The following DOK7 variants were observed in gnomAD, a reference collection of about 807,000 sequenced individuals.
The protein encoded by DOK7 is docking protein 7, also known as protein Dok-7.
In DOK7, 32 loss-of-function variants were observed where a neutral mutation model predicts 30.7. The ratio of observed to expected loss-of-function variants is 1.04; its 90% CI spans 0.79 to 1.40. DOK7 has a LOEUF of 1.40. Ranked by LOEUF, DOK7 falls within the 40% of genes most tolerant of loss-of-function variation. DOK7 has a pLI of 0.00. For missense variants in DOK7, 1,007 were observed against 699.2 expected, an observed-to-expected ratio of 1.44 and a Z score of -4.97; for synonymous variants, 447 against 324.1, an observed-to-expected ratio of 1.38 and a Z score of -4.07.
intron 1 of DOK7, 33 bp downstream of exon 1, chr4:3,463,462 G>GGGGGGGGGGGGGGGGGGGGGC: frequency 8.2e-7 from 1 of 1,215,598 alleles, no homozygotes; most frequent in Non-Finnish European, 1.1e-6. Context: ...GGGGGGGGGG[G>GGGGGGGGGGGGGGGGGGGGGC]CGCGGGCGCG....
At chr4:3,500,976 A>G in exon 8 of DOK7, 1 of 1,286,682 alleles carries the variant, frequency 7.8e-7, no homozygotes, top group Non-Finnish European at 1.0e-6. Flanking sequence ...CCATGGTGCA[A>G]ACAGGAAGTT....
intron 5 of DOK7, among the ~76,000 whole-genome samples, chr4:3,486,931 G>A (rs1214757295): frequency 6.6e-6 from 1 of 152,138 alleles, no homozygotes; most frequent in Non-Finnish European, 1.5e-5. Flanking sequence ...TTCCCGGGGA[G>A]CAGAGGGAAG....
intron 2 of DOK7, among the ~76,000 whole-genome samples, chr4:3,470,874 G>A (rs1726716343): frequency 6.6e-6 from 1 of 152,242 alleles, no homozygotes. Context: ...CAAAGGAGGT[G>A]CTGGTTGGGG....
rs1056034144 is a variant in DOK7, at chr4:3,485,152, G to A, written c.533-387G>A. On this transcript the variant is annotated intron_variant, in intron 4 of 6. Transcript: ENST00000340083. ...TCCCCCCATCCCCCCAAGCAAGCCC[G>A]GAAGGCAGGTATGTGGGCGGGGGCA... Among the ~76,000 whole-genome samples, 9 of 152,214 alleles carry A rather than the reference G, an allele frequency of 5.9e-5. No homozygotes were observed. The South Asian group carries it at 6.2e-4, about 11-fold the overall frequency.
In DOK7 at chr4:3,493,249, C is replaced by T. The variant is rs761693255; in HGVS notation, c.1263C>T (p.Pro421=). 3.1e-6 allele frequency: 5 copies of T among 1,611,992 alleles called. No homozygotes were observed. In the South Asian group the frequency reaches 3.3e-5, roughly 11 times the overall value. ...LCLAPRDHSP[P]SQGSPGNSAA... is the part of the protein sequence containing the mutation. ...TGGCTCCTAGAGACCACAGCCCCCC[C>T]TCACAGGGCAGCCCCGGCAACAGTG... Residue 421 remains proline, a synonymous_variant, in exon 7 of 7, where the codon CCC becomes CCT. Coordinates refer to ENST00000340083, the MANE Select transcript of DOK7 (RefSeq NM_173660.5).
downstream of DOK7, among the ~76,000 whole-genome samples, chr4:3,499,165 C>T (rs1729071203): frequency 6.6e-6 from 1 of 152,224 alleles, no homozygotes; most frequent in African/African-American, 2.4e-5. Flanking sequence ...GAGGCCCAGC[C>T]TTGAGTCAGG....
intron 6 of DOK7, among the ~76,000 whole-genome samples, chr4:3,490,591 CTTCATTTCTTCTCT>C (rs1560227450): frequency 9.9e-5 from 12 of 121,526 alleles, no homozygotes; most frequent in Admixed American, 2.7e-4. Flanking sequence ...CTGCTCATTC[CTTCATTTCTTCTCT>C]CCCTGCTCGT....
chr4:3,463,450 CGG>C lies in DOK7; in HGVS notation c.54+32_54+33del, dbSNP rs71180187. 0.31 allele frequency: 382,469 copies of C among 1,217,716 alleles called. 36,893 individuals carry two copies. Among genetic ancestry groups the C allele is most frequent in the East Asian group, 0.47 (13,699 of 29,372 alleles). The allele number at this position is 1,217,716 out of a possible 1,614,324, so 75.4% of individuals were successfully genotyped here. A position where few individuals can be genotyped will look rare whatever the true frequency, so the allele number is the denominator to read the frequency against. ...AGAAGGTCGGGGCGCGTCGGGGGCGCGGGGGGGGGGGGCGCGGGCGCGGGCGG... is the reference window on the plus strand; with the variant it reads ...AGAAGGTCGGGGCGCGTCGGGGGCGCGGGGGGGGGGCGCGGGCGCGGGCGG... On this transcript the variant is annotated intron_variant, in intron 1 of 6. Coordinates refer to ENST00000340083, the MANE Select transcript of DOK7 (RefSeq NM_173660.5).
downstream of DOK7, among the ~76,000 whole-genome samples, chr4:3,495,467 T>A (rs1349140443): frequency 2.0e-5 from 3 of 152,224 alleles, no homozygotes; most frequent in African/African-American, 7.2e-5. Context: ...CTGGCGGGGC[T>A]GGGCCCCTGG....
chr4:3,485,448 G>A, intron 4 of DOK7, 91 bp from the exon 5 acceptor site: 2 of 1,385,722 alleles, frequency 1.4e-6, no homozygotes, highest in South Asian at 1.8e-5. Flanking sequence ...GGCTCTTGGT[G>A]GAGTTTGCTG....
At chr4:3,497,433 G>A (rs1728974560), downstream of DOK7, among the ~76,000 whole-genome samples, 1 of 152,128 alleles carries the variant, frequency 6.6e-6, no homozygotes, top group Middle Eastern at 3.4e-3. Context: ...GAGGCAGTGG[G>A]AAGGTACGGA....
chr4:3,499,553 G>A (rs896578174), intron 6 of DOK7, among the ~76,000 whole-genome samples: 7 of 152,182 alleles, frequency 4.6e-5, no homozygotes, highest in African/African-American at 9.7e-5. Flanking sequence ...CCACCCAGCC[G>A]GGCCTGTGGG....
chr4:3,490,597 T>TCC lies in DOK7; in HGVS notation c.772+801_772+802insCC, dbSNP rs1316330836. Among the ~76,000 whole-genome samples the TCC allele has an allele frequency of 5.3e-4, 67 of 126,372 alleles. 1 individual carries two copies. Among genetic ancestry groups the TCC allele is most frequent in the Middle Eastern group, 4.4e-3 (1 of 226 alleles). The allele number at this position is 126,372 out of a possible 152,430, so 82.9% of individuals were successfully genotyped here. A position where few individuals can be genotyped will look rare whatever the true frequency, so the allele number is the denominator to read the frequency against. On this transcript the variant is annotated intron_variant, in intron 6 of 6. Coordinates refer to ENST00000340083, the MANE Select transcript of DOK7 (RefSeq NM_173660.5). ...CTTCTCTCTCTGCTCATTCCTTCAT[T>TCC]TCTTCTCTCCCTGCTCGTTCATTCC...
At chr4:3,488,162 A>G (rs1021116352) in intron 5 of DOK7, among the ~76,000 whole-genome samples, 1 of 152,186 alleles carries the variant, frequency 6.6e-6, no homozygotes, top group African/African-American at 2.4e-5. Context: ...AATGCTACAG[A>G]CAGGGCCACA....
chr4:3,492,850 CTCG>C lies in DOK7; in HGVS notation c.870_872del (p.Ser291del), dbSNP rs749831515. The C allele has an allele frequency of 1.3e-5, 21 of 1,611,294 alleles. No homozygotes were observed. The African/African-American group carries it at 1.6e-4, about 12-fold the overall frequency. On this transcript the variant is annotated inframe_deletion, in exon 7 of 7. Coordinates refer to ENST00000340083, the MANE Select transcript of DOK7 (RefSeq NM_173660.5). ...GGCTCACCGCATGGCCAGAGCAATC[CTCG>C]TCGTCAGCCAGCACGTCACAGGAGG...
At chr4:3,490,063 TCCC>T (rs1165511983) in intron 6 of DOK7, among the ~76,000 whole-genome samples, 2 of 64,502 alleles carry the variant, frequency 3.1e-5, no homozygotes, top group African/African-American at 6.1e-5. Context: ...AATTCCTTCC[TCCC>T]CCCATTCCTT....
downstream of DOK7, among the ~76,000 whole-genome samples, chr4:3,498,900 G>C (rs1560240911): frequency 6.6e-6 from 1 of 152,228 alleles, no homozygotes; most frequent in African/African-American, 2.4e-5. Context: ...AATCAGGTGA[G>C]CGAACCCTCG....
chr4:3,477,656 G>A (rs1727182402), intron 4 of DOK7, among the ~76,000 whole-genome samples: 1 of 152,242 alleles, frequency 6.6e-6, no homozygotes, highest in African/African-American at 2.4e-5. Flanking sequence ...TCCACGGACT[G>A]GGGGCGTACA....
chr4:3,483,363 C>T (rs961508634), intron 4 of DOK7, among the ~76,000 whole-genome samples: 4 of 152,014 alleles, frequency 2.6e-5, no homozygotes, highest in African/African-American at 4.8e-5. Flanking sequence ...GAGCATGAAC[C>T]CAGGGAGGCC....
Sources: allele counts gnomAD v4.1 joint callset (sites outside exome capture counted in the v4.1 genomes callset), GRCh38; gene constraint gnomAD v4.1.1; transcripts MANE v1.5; gene names NCBI Gene and HGNC (gene_info 2026-07-23, HGNC 2026-07-21).